The following NCAM2 variants were observed in gnomAD, a reference collection of about 807,000 sequenced individuals.
NCAM2 encodes the protein N-CAM-2.
In NCAM2, 30 loss-of-function variants were observed where a neutral mutation model predicts 98.1. The ratio of observed to expected loss-of-function variants is 0.31; its 90% CI spans 0.23 to 0.41. The LOEUF (loss-of-function observed/expected upper bound fraction) is 0.41, where lower values mean the gene tolerates loss of function less well. Among genes scored for constraint, NCAM2 ranks in the 10% least tolerant of loss-of-function variants. NCAM2 has a pLI of 1.00. For missense variants in NCAM2, 867 were observed against 1,005.8 expected (o/e 0.86, Z 1.87); for synonymous variants, 368 against 342.4 (o/e 1.07, Z -0.83).
At chr21:21,023,809 G>A (rs2064486021) in intron 1 of NCAM2, among the ~76,000 whole-genome samples, 1 of 151,944 alleles carries the variant, frequency 6.6e-6, no homozygotes, top group Non-Finnish European at 1.5e-5. Context: ...AGCATTTATT[G>A]TATATATATT....
chr21:21,004,618 AT>A (rs1402566681), intron 1 of NCAM2, among the ~76,000 whole-genome samples: 3 of 152,246 alleles, frequency 2.0e-5, no homozygotes, highest in African/African-American at 7.2e-5. Context: ...GTTCAACAAA[AT>A]ATTATAAAAT....
chr21:21,317,827 G>A (rs1052361401), intron 5 of NCAM2, among the ~76,000 whole-genome samples: 2 of 152,058 alleles, frequency 1.3e-5, no homozygotes, highest in East Asian at 1.9e-4. Context: ...GAGCCACCAG[G>A]CCTTGACTTC....
At position 21,331,517 on chromosome 21, in the gene NCAM2, C is replaced by CTCTCTCTCTCTATATATATATATA. The variant is rs1483062198; in HGVS notation, c.738-3987_738-3986insCTCTCTCTCTATATATATATATAT. Among the ~76,000 whole-genome samples the CTCTCTCTCTCTATATATATATATA allele has an allele frequency of 2.9e-4, 2 of 6,938 alleles. 1 individual carries two copies. Among genetic ancestry groups the CTCTCTCTCTCTATATATATATATA allele is most frequent in the African/African-American group, 1.1e-3 (2 of 1,814 alleles). 4.6% of individuals were successfully genotyped at this position (6,938 alleles called of 152,430 possible). On this transcript the variant is annotated intron_variant, in intron 6 of 17. Coordinates refer to ENST00000400546, the MANE Select transcript of NCAM2 (RefSeq NM_004540.5). Reference sequence around the variant, plus strand: ...TATATATACTCTATACTCTCTCTCTCTATATATATATATATATACTCTATA... The same window carrying CTCTCTCTCTCTATATATATATATA: ...TATATATACTCTATACTCTCTCTCTCTCTCTCTCTCTATATATATATATATATATATATATATATATACTCTATA...
intron 15 of NCAM2, among the ~76,000 whole-genome samples, chr21:21,507,983 C>G (rs2146352096): frequency 6.6e-6 from 1 of 152,184 alleles, no homozygotes; most frequent in South Asian, 2.1e-4. Context: ...CCCTCAGATT[C>G]TACTACAAAC....
At chr21:21,308,792 G>A (rs57608245) in intron 5 of NCAM2, among the ~76,000 whole-genome samples, 4,605 of 151,746 alleles carry the variant, frequency 0.03, 217 homozygotes, top group African/African-American at 0.11. Flanking sequence ...TTCATTTTCC[G>A]GATAATTTTC....
At chr21:21,378,798 T>C (rs2076088363) in intron 9 of NCAM2, among the ~76,000 whole-genome samples, 1 of 152,134 alleles carries the variant, frequency 6.6e-6, no homozygotes, top group Admixed American at 6.6e-5. Flanking sequence ...AAAAAACTTC[T>C]GCAAAGATTT....
At position 21,357,858 on chromosome 21, in the gene NCAM2, CAAAT is replaced by C. The variant is rs747693960; in HGVS notation, c.1045-15997_1045-15994del. The stretch of plus-strand genomic sequence containing the variant: ...AAAGAGATAAGTTTAATATAAAAAT[CAAAT>C]AAATAAACTTAATAAAATACTTTAG... On this transcript the variant is annotated intron_variant, in intron 8 of 17. Transcript: ENST00000400546. Among the ~76,000 whole-genome samples the C allele has an allele frequency of 1.8e-3, 267 of 151,982 alleles. 3 individuals are homozygous for C. The highest frequency in any genetic ancestry group is 1.8e-3 in the Non-Finnish European group (120 of 67,904).
intron 3 of NCAM2, among the ~76,000 whole-genome samples, chr21:21,284,777 C>G (rs1042090487): frequency 3.3e-5 from 5 of 150,254 alleles, no homozygotes; most frequent in African/African-American, 9.8e-5. Context: ...CAGCACTGAC[C>G]ATTGTAGAAT....
At chr21:21,149,476 G>T (rs1391951064) in intron 1 of NCAM2, among the ~76,000 whole-genome samples, 2 of 152,066 alleles carry the variant, frequency 1.3e-5, no homozygotes, top group African/African-American at 2.4e-5. Flanking sequence ...GTATACATGT[G>T]CCTTGGTGGT....
At chr21:21,382,517 A>T (rs1386242711) in intron 9 of NCAM2, among the ~76,000 whole-genome samples, 2,322 of 59,434 alleles carry the variant, frequency 0.039, 40 homozygotes, top group African/African-American at 0.094. Flanking sequence ...TATTTCAGGG[A>T]TTTTTTTTTT....
At chr21:21,147,038 T>C in intron 1 of NCAM2, 1 of 805,390 alleles carries the variant, frequency 1.2e-6, no homozygotes, top group Non-Finnish European at 1.4e-6. Flanking sequence ...CCTGTCCCAC[T>C]CCGGAACTCA....
chr21:21,379,490 T>C (rs1329195649), intron 9 of NCAM2, among the ~76,000 whole-genome samples: 1 of 152,134 alleles, frequency 6.6e-6, no homozygotes, highest in African/African-American at 2.4e-5. Flanking sequence ...AAATATAATT[T>C]TCCATTTGAT....
chr21:21,449,092 A>T (rs1012698880), intron 12 of NCAM2, among the ~76,000 whole-genome samples: 1 of 152,100 alleles, frequency 6.6e-6, no homozygotes, highest in Non-Finnish European at 1.5e-5. Flanking sequence ...TAAGATGAAG[A>T]CACAAATTCA....
At chr21:21,192,426 G>T (rs1020037053) in intron 1 of NCAM2, among the ~76,000 whole-genome samples, 1 of 152,036 alleles carries the variant, frequency 6.6e-6, no homozygotes, top group Non-Finnish European at 1.5e-5. Flanking sequence ...ATAGAATAAA[G>T]TCCACATATG....
intron 1 of NCAM2, among the ~76,000 whole-genome samples, chr21:21,017,302 T>G (rs2064329511): frequency 6.6e-6 from 1 of 151,594 alleles, no homozygotes; most frequent in Non-Finnish European, 1.5e-5. Context: ...GGTACATGCC[T>G]GTTGTCCCAG....
intron 1 of NCAM2, among the ~76,000 whole-genome samples, chr21:21,199,084 G>T (rs2069115673): frequency 6.6e-6 from 1 of 152,088 alleles, no homozygotes; most frequent in Admixed American, 6.5e-5. Flanking sequence ...TGTATGCATT[G>T]TGTGACCACT....
At chr21:21,382,454 T>C (rs2076173684) in intron 9 of NCAM2, among the ~76,000 whole-genome samples, 1 of 152,112 alleles carries the variant, frequency 6.6e-6, no homozygotes, top group Admixed American at 6.6e-5. Flanking sequence ...CAACTGACTC[T>C]TTACCCCATC....
rs532068473 is a variant in NCAM2 at position 21,394,469 on chromosome 21, CTTTTTTTTTTTTTTTTTTTTTTTT to C, written c.1196-15791_1196-15768del. ...GACCTTAGTTAATTTAAGGGGCCAG[CTTTTTTTTTTTTTTTTTTTTTTTT>C]TTTTTTTTTTTTTGAGACAGAGTTG... On this transcript the variant is annotated intron_variant, in intron 9 of 17. Transcript: ENST00000400546. Among the ~76,000 whole-genome samples, 3 of 57,632 alleles carry C rather than the reference CTTTTTTTTTTTTTTTTTTTTTTTT, an allele frequency of 5.2e-5. 1 individual carries two copies. Among genetic ancestry groups the C allele is most frequent in the South Asian group, 1.6e-3 (2 of 1,270 alleles). The allele number at this position is 57,632 out of a possible 152,430, so 37.8% of individuals were successfully genotyped here.
chr21:21,255,686 C>A (rs2071640858), intron 1 of NCAM2, among the ~76,000 whole-genome samples: 1 of 152,202 alleles, frequency 6.6e-6, no homozygotes, highest in African/African-American at 2.4e-5. Flanking sequence ...AGTTTTCCAT[C>A]TTTTGTCTTG....
Sources: allele counts gnomAD v4.1 joint callset (sites outside exome capture counted in the v4.1 genomes callset), GRCh38; gene constraint gnomAD v4.1.1; transcripts MANE v1.5; gene names NCBI Gene and HGNC (gene_info 2026-07-23, HGNC 2026-07-21).